Variants in NRG1 observed in about 807,000 individuals in gnomAD.
NRG1 encodes the protein neuregulin 1.
In NRG1, 18 loss-of-function variants were observed where a neutral mutation model predicts 63.8. The ratio of observed to expected loss-of-function variants is 0.28; its 90% confidence interval spans 0.19 to 0.42. The LOEUF is 0.42. Among genes scored for constraint, NRG1 ranks in the 10% least tolerant of loss-of-function variants. NRG1 has a pLI of 1.00. For synonymous variants in NRG1, 302 were observed against 301.3 expected (o/e 1.00, Z -0.02); for missense variants, 762 against 814.7 (o/e 0.94, Z 0.79).
chr8:31,993,985 T>C (rs1194726461), intron 1 of NRG1, among the ~76,000 whole-genome samples: 1 of 151,948 alleles, frequency 6.6e-6, no homozygotes, highest in Non-Finnish European at 1.5e-5. Flanking sequence ...TCCAATTTAA[T>C]GGATTAGTTT....
rs118095013 is a variant in NRG1, at chr8:31,781,174, G to A, written c.37+141743G>A. On this transcript the variant is annotated intron_variant, in intron 1 of 10. Coordinates refer to the NRG1 transcript ENST00000519301. Reference sequence around the variant, plus strand: ...GACAGATTTATTCATTCTTTATTCTGGATGAAGAAGAGGAAATAGTTTAAG... The same window carrying A: ...GACAGATTTATTCATTCTTTATTCTAGATGAAGAAGAGGAAATAGTTTAAG... 3.8e-3 allele frequency among the ~76,000 whole-genome samples: 584 copies of A among 152,110 alleles called. 1 individual carries two copies. The highest frequency in any genetic ancestry group is 0.02 in the Middle Eastern group (6 of 294).
At chr8:32,231,731 C>G (rs945399936) in intron 1 of NRG1, among the ~76,000 whole-genome samples, 2 of 151,776 alleles carry the variant, frequency 1.3e-5, no homozygotes, top group Non-Finnish European at 1.5e-5. Context: ...TAAACTCCTT[C>G]TCTACTAAAA....
At chr8:32,492,926 G>C (rs1175713391) in intron 1 of NRG1, among the ~76,000 whole-genome samples, 1 of 152,132 alleles carries the variant, frequency 6.6e-6, no homozygotes, top group Non-Finnish European at 1.5e-5. Flanking sequence ...AGAATTGTTT[G>C]AAATATTTCT....
At chr8:32,047,667 C>A (rs1821225018) in intron 1 of NRG1, among the ~76,000 whole-genome samples, 1 of 151,828 alleles carries the variant, frequency 6.6e-6, no homozygotes, top group Non-Finnish European at 1.5e-5. Flanking sequence ...ATTTTATTTA[C>A]TTACTGTGTA....
chr8:31,651,515 G>C (rs1044409933), intron 1 of NRG1, among the ~76,000 whole-genome samples: 1 of 152,084 alleles, frequency 6.6e-6, no homozygotes, highest in Non-Finnish European at 1.5e-5. Context: ...TGGAGAGCTT[G>C]GTTTTCAGGG....
intron 1 of NRG1, among the ~76,000 whole-genome samples, chr8:31,670,793 AT>A (rs1807057042): frequency 6.6e-6 from 1 of 151,714 alleles, no homozygotes; most frequent in Non-Finnish European, 1.5e-5. Context: ...TTGGGTTTTT[AT>A]TTTTTTTCTT....
In NRG1 at chr8:32,755,659, C is replaced by G. The variant is rs75468268; in HGVS notation, c.795-744C>G. 6.0e-3 allele frequency among the ~76,000 whole-genome samples: 915 copies of G among 152,250 alleles called. 8 individuals are homozygous for G. Among genetic ancestry groups the G allele is most frequent in the Non-Finnish European group, 9.0e-3 (612 of 68,024 alleles). ...TACATGGGATACACTCACAAACATG[C>G]TAACTGTGTATATTCAAAACTCAGT... On this transcript the variant is annotated intron_variant, in intron 8 of 11. Transcript: ENST00000356819.
chr8:32,361,790 C>T (rs1807245023), intron 1 of NRG1, among the ~76,000 whole-genome samples: 1 of 152,178 alleles, frequency 6.6e-6, no homozygotes, highest in Non-Finnish European at 1.5e-5. Flanking sequence ...TTAACATGGC[C>T]ACCCAGGCGC....
chr8:32,148,174 T>C (rs79852670), intron 1 of NRG1, among the ~76,000 whole-genome samples: 6,112 of 152,228 alleles, frequency 0.04, 184 homozygotes, highest in Middle Eastern at 0.092. Flanking sequence ...TATGATACTA[T>C]AAATATACCC....
intron 1 of NRG1, among the ~76,000 whole-genome samples, chr8:32,364,532 T>G (rs748577447): frequency 6.6e-6 from 1 of 152,188 alleles, no homozygotes; most frequent in Non-Finnish European, 1.5e-5. Flanking sequence ...AGCTGCATAG[T>G]ATTTCTATAT....
intron 1 of NRG1, among the ~76,000 whole-genome samples, chr8:31,995,787 T>C (rs905545368): frequency 1.3e-5 from 2 of 151,998 alleles, no homozygotes; most frequent in Non-Finnish European, 2.9e-5. Context: ...AGTCCAATAT[T>C]ACTACCATTA....
At chr8:32,111,996 A>C (rs1003642869) in intron 1 of NRG1, among the ~76,000 whole-genome samples, 3 of 152,202 alleles carry the variant, frequency 2.0e-5, no homozygotes, top group African/African-American at 7.2e-5. Flanking sequence ...AAGGGGAAAA[A>C]TGGTGGCAAT....
At chr8:31,692,855 C>T (rs112622791) in intron 1 of NRG1, among the ~76,000 whole-genome samples, 31 of 152,232 alleles carry the variant, frequency 2.0e-4, no homozygotes, top group African/African-American at 7.5e-4. Context: ...GGGGTTGGAA[C>T]CTGAATAGGA....
intron 1 of NRG1, among the ~76,000 whole-genome samples, chr8:32,513,180 TG>T (rs1428994317): frequency 2.7e-5 from 4 of 146,806 alleles, no homozygotes; most frequent in Admixed American, 7.0e-5. Flanking sequence ...GGTGTGTGTG[TG>T]TGTGTGTGTG....
chr8:31,982,480 G>A (rs1046669760), intron 1 of NRG1, among the ~76,000 whole-genome samples: 13 of 152,070 alleles, frequency 8.5e-5, no homozygotes, highest in African/African-American at 2.7e-4. Flanking sequence ...AGGCAGAGAT[G>A]TGGATAATAC....
intron 1 of NRG1, among the ~76,000 whole-genome samples, chr8:32,075,394 C>T (rs1180252165): frequency 1.3e-5 from 2 of 151,928 alleles, no homozygotes; most frequent in Non-Finnish European, 2.9e-5. Context: ...AACAAGTAAA[C>T]AAAACGTTTT....
chr8:31,658,746 A>C (rs780200230), intron 1 of NRG1, among the ~76,000 whole-genome samples: 23 of 152,160 alleles, frequency 1.5e-4, no homozygotes, highest in Non-Finnish European at 2.2e-4. Context: ...GACAGGTATG[A>C]GCCGCCACAC....
intron 5 of NRG1, among the ~76,000 whole-genome samples, chr8:32,703,393 A>G (rs1438223078): frequency 6.7e-6 from 1 of 148,726 alleles, no homozygotes; most frequent in Admixed American, 6.8e-5. Context: ...TAGTCCTATG[A>G]TATTGTAGAG....
intron 1 of NRG1, among the ~76,000 whole-genome samples, chr8:32,236,952 TA>T (rs1283377938): frequency 6.6e-6 from 1 of 152,064 alleles, no homozygotes; most frequent in Non-Finnish European, 1.5e-5. Context: ...CGGTGCAGGA[TA>T]ACAGAGATGT....
Sources: gnomAD v4.1 joint callset for allele counts (sites outside exome capture counted in the v4.1 genomes callset) on GRCh38, gnomAD v4.1.1 for gene constraint, MANE v1.5 for transcripts, NCBI Gene and HGNC (gene_info 2026-07-23, HGNC 2026-07-21) for gene names.